Variants in COL9A3 observed in about 807,000 individuals in gnomAD.
COL9A3 encodes the protein collagen type IX alpha 3 chain.
In COL9A3, 82 loss-of-function variants were observed where a neutral mutation model predicts 110.2. The ratio of observed to expected loss-of-function variants is 0.74; its 90% CI spans 0.62 to 0.89. The LOEUF (loss-of-function observed/expected upper bound fraction) is 0.89. Among genes scored for constraint, COL9A3 ranks in the 40% least tolerant of loss-of-function variants. The pLI is 0.00. For missense variants in COL9A3, 1,066 were observed against 981.3 expected (o/e 1.09, Z -1.15); for synonymous variants, 494 against 403.8 (o/e 1.22, Z -2.68).
intron 26 of COL9A3, among the ~76,000 whole-genome samples, chr20:62,834,113 A>G (rs1400869270): frequency 6.6e-6 from 1 of 152,088 alleles, no homozygotes. Flanking sequence ...ACCTCAGGCA[A>G]TCTGCCCGCC....
Position 62,829,838 on chromosome 20 carries a change from C to T in COL9A3, c.1161+19C>T. 6.4e-7 allele frequency: 1 copy of T among 1,553,176 alleles called. No individual in the cohort carries two copies. Among genetic ancestry groups the T allele is most frequent in the Non-Finnish European group, 8.7e-7 (1 of 1,151,032 alleles). ...CTCAGCGGTGAGTGCAGGGACATGG[C>T]CCGGGGTCGGGGGTTAGCACTGAGC... On this transcript the variant is annotated intron_variant, in intron 22 of 31. Transcript: ENST00000649368.
chr20:62,816,973 CG>C (rs1568745470), upstream of COL9A3: 2 of 668,818 alleles, frequency 3.0e-6, no homozygotes, highest in Non-Finnish European at 3.9e-6. Flanking sequence ...CAGGCGGGGG[CG>C]GGAAGGGGAA....
rs1410201923 is a variant in COL9A3 at position 62,836,349 on chromosome 20, GGCTTTTCCA to G, written c.1548+22_1548+30del. ...GGGAGTTCCGGTACGTCGCTTTTCC[GGCTTTTCCA>G]GCTTTCACAGGGTTGAGATCGTGTT... is the stretch of plus-strand genomic sequence containing the variant. On this transcript the variant is annotated intron_variant, in intron 28 of 31. Coordinates refer to ENST00000649368, the MANE Select transcript of COL9A3 (RefSeq NM_001853.4). 1 of 1,613,748 alleles carries G rather than the reference GGCTTTTCCA, an allele frequency of 6.2e-7. No individual in the cohort carries two copies. Among genetic ancestry groups the G allele is most frequent in the Non-Finnish European group, 8.5e-7 (1 of 1,180,032 alleles).
At chr20:62,816,284 T>G (rs1005321901), upstream of COL9A3, 1 of 152,224 alleles carries the variant, frequency 6.6e-6, no homozygotes. Context: ...CCCCTGAGCT[T>G]CTGGGAAATG....
At chr20:62,840,136 C>T (rs973235414) in intron 31 of COL9A3, among the ~76,000 whole-genome samples, 3 of 151,996 alleles carry the variant, frequency 2.0e-5, no homozygotes, top group African/African-American at 7.3e-5. Flanking sequence ...CCCACTTAGG[C>T]GGCTGACTCC....
At chr20:62,822,292 C>T in intron 9 of COL9A3, 128 bp downstream of exon 9, 1 of 744,712 alleles carries the variant, frequency 1.3e-6, no homozygotes, top group African/African-American at 1.7e-5. Context: ...TGGCCACTCC[C>T]AGGAACAGTC....
rs1412505349 is a variant in COL9A3 at position 62,828,935 on chromosome 20, C to A, written c.967C>A (p.Arg323Ser). ...TCTGTCCTCACAGGGAGAGGCTGGT[C>A]GCAACGGTGCTCCGGGAGAGAAGGG... ...GLDGQKGEAG[R>S]NGAPGEKGPN... The change falls in exon 19 of 32, where the codon CGC (arginine) becomes AGC (serine). Residue 323 changes from arginine (R) to serine (S), a missense_variant. Transcript: ENST00000649368. The A allele has an allele frequency of 1.2e-6, 2 of 1,611,650 alleles. No homozygotes were observed. The highest frequency in any genetic ancestry group is 1.7e-5 in the Admixed American group (1 of 59,990).
chr20:62,832,048 C>A, intron 24 of COL9A3, 106 bp from the exon 25 acceptor site: 2 of 1,131,560 alleles, frequency 1.8e-6, no homozygotes, highest in Non-Finnish European at 2.7e-6. Context: ...CTTTGTGCAG[C>A]ACAGATGGAG....
At chr20:62,828,847 G>T (rs1380679146) in intron 18 of COL9A3, 30 bp downstream of exon 18, 1 of 1,612,706 alleles carries the variant, frequency 6.2e-7, no homozygotes, top group Non-Finnish European at 8.5e-7. Context: ...TGTGACGGGA[G>T]GGAGGGGGCT....
intron 3 of COL9A3, 69 bp downstream of exon 3, chr20:62,818,622 G>A (rs1019302727): frequency 1.1e-5 from 17 of 1,487,440 alleles, no homozygotes; most frequent in Middle Eastern, 1.7e-4. Flanking sequence ...CAGAACAGAG[G>A]GGTCATTGAT....
rs567353466 is a variant in COL9A3, at chr20:62,819,318, C to A, written c.255+25C>A. ...TGTGAGTGCGCCTGCCCCTCCCCGC[C>A]ATGCCCCACTCCCCGCTCCGGGTCC... On this transcript the variant is annotated intron_variant, in intron 4 of 31. Coordinates refer to ENST00000649368, the MANE Select transcript of COL9A3 (RefSeq NM_001853.4). 1.3e-5 allele frequency: 20 copies of A among 1,597,736 alleles called. No individual in the cohort carries two copies. In the East Asian group the frequency reaches 4.0e-4, roughly 32 times the overall value.
At chr20:62,822,899 G>A (rs773693459) in intron 10 of COL9A3, among the ~76,000 whole-genome samples, 5 of 151,754 alleles carry the variant, frequency 3.3e-5, no homozygotes, top group African/African-American at 4.8e-5. Flanking sequence ...CTGTACAAAT[G>A]TAATGAATCA....
chr20:62,821,777 C>T lies in COL9A3; in HGVS notation c.390C>T (p.Gly130=). Residue 130 remains glycine (G), a synonymous_variant, in exon 8 of 32, where the codon GGC becomes GGT. Transcript: ENST00000649368. The part of the protein sequence containing the change: ...PGPPGEAGVS[G]PPGGIGLRGP... ...TCCAGGGAGAGGCAGGAGTGAGCGG[C>T]CCCCCAGGTGGGATCGGCCTCCGCG... 6.2e-7 allele frequency: 1 copy of T among 1,609,610 alleles called. No individual in the cohort carries two copies. Among genetic ancestry groups the T allele is most frequent in the Non-Finnish European group, 8.5e-7 (1 of 1,178,226 alleles).
intron 11 of COL9A3, 152 bp downstream of exon 11, chr20:62,824,653 C>A: frequency 1.2e-6 from 1 of 852,362 alleles, no homozygotes; most frequent in Non-Finnish European, 1.9e-6. Flanking sequence ...CTCCTTGTCC[C>A]GCCTTCAGCA....
chr20:62,840,404 G>C, intron 31 of COL9A3, 138 bp from the exon 32 acceptor site: 1 of 846,054 alleles, frequency 1.2e-6, no homozygotes, highest in South Asian at 1.4e-5. Flanking sequence ...CGTTCCCTCG[G>C]CCTCCCCACC....
At position 62,837,268 on chromosome 20, in the gene COL9A3, G is replaced by A. The variant is rs751273383; in HGVS notation, c.1786+3G>A. 2 of 1,608,998 alleles carry A rather than the reference G, an allele frequency of 1.2e-6. No individual in the cohort carries two copies. The highest frequency in any genetic ancestry group is 2.2e-5 in the South Asian group (2 of 91,076). On this transcript the variant is annotated splice_donor_region_variant and intron_variant, in intron 30 of 31. Coordinates refer to ENST00000649368, the MANE Select transcript of COL9A3 (RefSeq NM_001853.4). ...GCTGGGAGACCCCGGGCCCAGAGGT[G>A]AGTGTTTGACCCCATGACACGGTCA... is the stretch of plus-strand genomic sequence containing the variant.
chr20:62,821,956 A>G (rs1326644076), intron 8 of COL9A3, 146 bp downstream of exon 8: 6 of 754,732 alleles, frequency 7.9e-6, no homozygotes, highest in Non-Finnish European at 1.2e-5. Flanking sequence ...GCCCTGGCCA[A>G]TGATCCAGAC....
intron 24 of COL9A3, 183 bp from the exon 25 acceptor site, chr20:62,831,971 G>T (rs1391261941): frequency 8.6e-6 from 6 of 695,918 alleles, no homozygotes; most frequent in Non-Finnish European, 1.6e-5. Context: ...GAGCCATCGG[G>T]CCCAGAGGCT....
At chr20:62,839,613 T>C (rs1486060427) in intron 31 of COL9A3, among the ~76,000 whole-genome samples, 3 of 137,090 alleles carry the variant, frequency 2.2e-5, no homozygotes, top group African/African-American at 5.3e-5. Flanking sequence ...TCCTCTCCTC[T>C]CCTCCACGCA....
Sources: gnomAD v4.1 joint callset for allele counts (sites outside exome capture counted in the v4.1 genomes callset) on GRCh38, gnomAD v4.1.1 for gene constraint, MANE v1.5 for transcripts, NCBI Gene and HGNC (gene_info 2026-07-23, HGNC 2026-07-21) for gene names.